The following TMEM120B variants were observed in gnomAD, a reference collection of about 807,000 sequenced individuals.
The protein encoded by TMEM120B is transmembrane protein 120B.
In TMEM120B, 31 loss-of-function variants were observed where a neutral mutation model predicts 55.5. The observed-to-expected ratio is 0.56, with a 90% CI of 0.42 to 0.75. The LOEUF (loss-of-function observed/expected upper bound fraction) is 0.75, where lower values mean the gene tolerates loss of function less well. Among genes scored for constraint, TMEM120B ranks in the 30% least tolerant of loss-of-function variants. The pLI is 0.00. For missense variants in TMEM120B, 399 were observed against 425.5 expected (o/e 0.94, Z 0.55); for synonymous variants, 203 against 176.3 (o/e 1.15, Z -1.20).
At chr12:121,771,952 G>A (rs1243746671) in intron 8 of TMEM120B, among the ~76,000 whole-genome samples, 3 of 152,094 alleles carry the variant, frequency 2.0e-5, no homozygotes, top group Admixed American at 2.0e-4. Context: ...TTGGGGACAG[G>A]GAGAGCGTCT....
At position 121,779,806 on chromosome 12, in the gene TMEM120B, C is replaced by G. The variant is rs965026145; in HGVS notation, c.*4084C>G. ...TGTCTGTCTCCTCCATCCTGGCTGC[C>G]CCTCACAGTGTGTGGGTGGAATGGA... On this transcript the variant is annotated 3_prime_UTR_variant, in exon 12 of 12. Transcript: ENST00000449592. 2.4e-6 allele frequency: 2 copies of G among 842,724 alleles called. No homozygotes were observed. The highest frequency in any genetic ancestry group is 5.2e-5 in the Admixed American group (2 of 38,288). The allele number at this position is 842,724 out of a possible 1,614,324, so 52.2% of individuals were successfully genotyped here.
intron 10 of TMEM120B, 89 bp downstream of exon 10, chr12:121,774,811 C>A: frequency 1.4e-6 from 2 of 1,463,030 alleles, no homozygotes; most frequent in Non-Finnish European, 1.9e-6. Flanking sequence ...CTTCTCCATC[C>A]GTCCCCATGC....
chr12:121,740,986 G>A (rs1365180920), intron 1 of TMEM120B, among the ~76,000 whole-genome samples: 1 of 152,132 alleles, frequency 6.6e-6, no homozygotes, highest in Non-Finnish European at 1.5e-5. Flanking sequence ...GGGAATATTT[G>A]AATGGGTGGG....
rs969426987 is a variant in TMEM120B at position 121,782,067 on chromosome 12, A to C, written c.*6345A>C. ...ACAGTAAAATTGCAACACGAGTATG[A>C]AGAGCTCTCTGACTGTGATTCACCA... is the stretch of plus-strand genomic sequence containing the variant. On this transcript the variant is annotated 3_prime_UTR_variant, in exon 12 of 12. Coordinates refer to ENST00000449592, the MANE Select transcript of TMEM120B (RefSeq NM_001080825.2). 6 of 152,184 alleles carry C rather than the reference A, an allele frequency of 3.9e-5. No homozygotes were observed. The highest frequency in any genetic ancestry group is 1.4e-4 in the African/African-American group (6 of 41,422). The allele number at this position is 152,184 out of a possible 1,614,324, so 9.4% of individuals were successfully genotyped here. A position where few individuals can be genotyped will look rare whatever the true frequency, so the allele number is the denominator to read the frequency against.
intron 2 of TMEM120B, among the ~76,000 whole-genome samples, chr12:121,746,540 T>A (rs1042689325): frequency 1.3e-5 from 2 of 151,762 alleles, no homozygotes; most frequent in Non-Finnish European, 1.5e-5. Flanking sequence ...GCTATGTTAG[T>A]CAGGCTGGTC....
At chr12:121,728,196 A>T (rs950469369) in intron 1 of TMEM120B, among the ~76,000 whole-genome samples, 3 of 151,628 alleles carry the variant, frequency 2.0e-5, no homozygotes, top group African/African-American at 7.3e-5. Flanking sequence ...TTAGTAGGGA[A>T]TGGGTTTCAC....
Position 121,778,449 on chromosome 12 carries a change from C to G in TMEM120B, c.*2727C>G, listed in dbSNP as rs1376744703. Reference sequence around the variant, plus strand: ...CTGAGTGACAGAATGAGACTCTGTCCCAAAAAAAAAAAAAAAAAAAAATTC... The same window carrying G: ...CTGAGTGACAGAATGAGACTCTGTCGCAAAAAAAAAAAAAAAAAAAAATTC... On this transcript the variant is annotated 3_prime_UTR_variant, in exon 12 of 12. Coordinates refer to ENST00000449592, the MANE Select transcript of TMEM120B (RefSeq NM_001080825.2). 9.2e-6 allele frequency: 1 copy of G among 108,232 alleles called. No homozygotes were observed. The highest frequency in any genetic ancestry group is 3.1e-4 in the East Asian group (1 of 3,198). The allele number at this position is 108,232 out of a possible 1,614,324, so 6.7% of individuals were successfully genotyped here. A position where few individuals can be genotyped will look rare whatever the true frequency, so the allele number is the denominator to read the frequency against.
At chr12:121,722,899 A>AGTGCAATG (rs1328247674) in intron 1 of TMEM120B, among the ~76,000 whole-genome samples, 1 of 138,964 alleles carries the variant, frequency 7.2e-6, no homozygotes, top group Non-Finnish European at 1.5e-5. Flanking sequence ...CCCAGGCTGG[A>AGTGCAATG]GTGCAATGGC....
intron 5 of TMEM120B, among the ~76,000 whole-genome samples, chr12:121,759,799 C>A (rs1412065110): frequency 6.6e-6 from 1 of 152,082 alleles, no homozygotes; most frequent in East Asian, 1.9e-4. Context: ...GAGTTCGATA[C>A]CAGCCTGGCC....
At chr12:121,771,394 T>C in intron 7 of TMEM120B, 94 bp from the exon 8 acceptor site, 2 of 1,126,560 alleles carry the variant, frequency 1.8e-6, no homozygotes, top group Non-Finnish European at 2.7e-6. Context: ...TTATACACCT[T>C]TTCGCCTCTT....
chr12:121,740,709 G>A (rs983287722), intron 1 of TMEM120B, among the ~76,000 whole-genome samples: 10 of 152,098 alleles, frequency 6.6e-5, no homozygotes, highest in African/African-American at 2.4e-4. Flanking sequence ...TGGACATGCA[G>A]TTGAAACCCG....
At chr12:121,718,829 T>G (rs912307774) in intron 1 of TMEM120B, among the ~76,000 whole-genome samples, 19 of 152,298 alleles carry the variant, frequency 1.2e-4, no homozygotes, top group Admixed American at 5.2e-4. Flanking sequence ...TCAAGTCTAG[T>G]GGCAAATGGC....
chr12:121,757,125 G>A (rs762326619), intron 5 of TMEM120B, among the ~76,000 whole-genome samples: 27 of 123,958 alleles, frequency 2.2e-4, no homozygotes, highest in Non-Finnish European at 3.1e-4. Flanking sequence ...GAGGGAGCTC[G>A]GCCTCCCTGG....
intron 5 of TMEM120B, chr12:121,759,125 T>TTG: frequency 3.5e-6 from 3 of 867,224 alleles, no homozygotes; most frequent in Non-Finnish European, 4.1e-6. Context: ...GTCTACTGTT[T>TTG]TTTTTTTTTT....
At position 121,775,405 on chromosome 12, in the gene TMEM120B, G is replaced by A; in HGVS notation, c.907-204G>A. The A allele has an allele frequency of 1.0e-6, 1 of 983,194 alleles. No homozygotes were observed. Among genetic ancestry groups the A allele is most frequent in the Non-Finnish European group, 1.2e-6 (1 of 827,974 alleles). The allele number at this position is 983,194 out of a possible 1,614,324, so 60.9% of individuals were successfully genotyped here. Reference sequence around the variant, plus strand: ...CTCCCAATCTGTGGATCCCAAGGAGGTTCGCCCCATCGAGCCCTTCCCAGG... The same window carrying A: ...CTCCCAATCTGTGGATCCCAAGGAGATTCGCCCCATCGAGCCCTTCCCAGG... On this transcript the variant is annotated intron_variant, in intron 11 of 11. Transcript: ENST00000449592. The surrounding 1 kb of genome is among the most constrained non-coding windows in gnomAD (Gnocchi z 4.3).
At chr12:121,747,160 G>T (rs534117619) in intron 2 of TMEM120B, among the ~76,000 whole-genome samples, 2 of 152,246 alleles carry the variant, frequency 1.3e-5, no homozygotes, top group East Asian at 3.9e-4. Context: ...GAGGTTTAAG[G>T]ACTTTCTGAA....
rs1743519934 is a variant in TMEM120B at position 121,779,294 on chromosome 12, C to T, written c.*3572C>T. On this transcript the variant is annotated 3_prime_UTR_variant, in exon 12 of 12. Transcript: ENST00000449592. The stretch of plus-strand genomic sequence containing the variant: ...ACTGGCTCCTGCACCCACATCACCA[C>T]CATGTCCCAGGGGCAGCCTGGAGGG... The T allele has an allele frequency of 3.3e-6, 2 of 614,072 alleles. No individual in the cohort carries two copies. The highest frequency in any genetic ancestry group is 5.7e-6 in the Non-Finnish European group (2 of 353,568). The allele number at this position is 614,072 out of a possible 1,614,324, so 38.0% of individuals were successfully genotyped here. A position where few individuals can be genotyped will look rare whatever the true frequency, so the allele number is the denominator to read the frequency against.
chr12:121,725,917 G>A (rs755063781), intron 1 of TMEM120B, among the ~76,000 whole-genome samples: 16 of 151,694 alleles, frequency 1.1e-4, no homozygotes, highest in Non-Finnish European at 1.9e-4. Flanking sequence ...CGTACCTGTA[G>A]TCCCAGCTAC....
intron 1 of TMEM120B, among the ~76,000 whole-genome samples, chr12:121,733,542 T>C (rs905303409): frequency 2.8e-4 from 32 of 114,938 alleles, no homozygotes; most frequent in South Asian, 8.6e-4. Flanking sequence ...CCGTGCCTGG[T>C]ATTTTTTTTT....
Sources: gnomAD v4.1 joint callset for allele counts (sites outside exome capture counted in the v4.1 genomes callset) on GRCh38, gnomAD v4.1.1 for gene constraint, Gnocchi (gnomAD v3.1) non-coding constraint, MANE v1.5 for transcripts, NCBI Gene and HGNC (gene_info 2026-07-23, HGNC 2026-07-21) for gene names.